COX15: variants seen among roughly 807,000 people sequenced by gnomAD.
COX15 encodes the protein heme A synthase COX15.
A neutral mutation model predicts 51.9 loss-of-function variants in COX15; 51 were observed. The observed-to-expected ratio is 0.98, with a 90% CI of 0.78 to 1.24. COX15 has a LOEUF of 1.24. Among genes scored for constraint, COX15 ranks in the 50% most tolerant of loss-of-function variants. The pLI is 0.00. For missense variants in COX15, 420 were observed against 501.1 expected, an observed-to-expected ratio of 0.84 and a Z score of 1.55; for synonymous variants, 188 against 190.5, an observed-to-expected ratio of 0.99 and a Z score of 0.11.
Position 99,727,017 on chromosome 10 carries a change from C to T in COX15, c.533G>A (p.Arg178His), listed in dbSNP as rs146028099. 9.9e-6 allele frequency: 16 copies of T among 1,614,140 alleles called. No homozygotes were observed. The African/African-American group carries it at 1.2e-4, about 12-fold the overall frequency. ...AYFWRKGWLSRGMKGRVLALC... is the reference protein window; with the variant it reads ...AYFWRKGWLSHGMKGRVLALC... ...GGCAAGAACACGTCCTTTCATGCCA[C>T]GGCTGAGCCAGCCCTTTCTCCAAAA... Residue 178 changes from arginine to histidine, a missense_variant, in exon 4 of 9, where the codon CGT becomes CAT. Coordinates refer to ENST00000016171, the MANE Select transcript of COX15 (RefSeq NM_078470.6).
At chr10:99,694,358 T>G in the COX15 span, among the ~76,000 whole-genome samples, 2 of 152,226 alleles carry the variant, frequency 1.3e-5, no homozygotes, top group African/African-American at 4.8e-5. Context: ...TCTCGTGGTA[T>G]GGGTATTTCA....
At chr10:99,727,923 T>C (rs1009496808) in intron 2 of COX15, among the ~76,000 whole-genome samples, 2 of 152,140 alleles carry the variant, frequency 1.3e-5, no homozygotes, top group African/African-American at 4.8e-5. Flanking sequence ...AAAAGAGACC[T>C]GTTACATGTA....
At chr10:99,709,614 G>T (rs576990987), downstream of COX15, 261 of 985,316 alleles carry the variant, frequency 2.6e-4, 1 homozygote, top group Middle Eastern at 7.8e-3. Context: ...TTGTGTTCTT[G>T]GCTCATTCTC....
downstream of COX15, chr10:99,710,451 C>T: frequency 1.0e-6 from 1 of 985,318 alleles, no homozygotes; most frequent in South Asian, 4.7e-5. Flanking sequence ...TTATGATCTA[C>T]ACTTTAAAAA....
intron 4 of COX15, among the ~76,000 whole-genome samples, chr10:99,726,004 T>A (rs2036938134): frequency 6.6e-6 from 1 of 152,114 alleles, no homozygotes; most frequent in South Asian, 2.1e-4. Context: ...GTCTTCTCTT[T>A]TAATTTGTTG....
chr10:99,696,218 TG>T, the COX15 span: 1 of 1,420,534 alleles, frequency 7.0e-7, no homozygotes, highest in Middle Eastern at 1.9e-4. Context: ...GATAAGTCCC[TG>T]CTTCCTCCTT....
the COX15 span, among the ~76,000 whole-genome samples, chr10:99,694,924 A>G: frequency 6.6e-6 from 1 of 152,190 alleles, no homozygotes; most frequent in Non-Finnish European, 1.5e-5. Context: ...ATACATTCAA[A>G]ACAAGAATCC....
chr10:99,723,851 C>A, intron 5 of COX15, 105 bp downstream of exon 5: 1 of 1,340,068 alleles, frequency 7.5e-7, no homozygotes, highest in Non-Finnish European at 1.1e-6. Flanking sequence ...AAAATGTTGG[C>A]AAAATATTCA....
In COX15 at chr10:99,713,331, T is replaced by C; in HGVS notation, c.*1256A>G. ...TACATTTCTAATCTGTTTAATTTCA[T>C]CTCGATGGGGTCATTCTGGGACTGT... is the stretch of plus-strand genomic sequence containing the variant. On this transcript the variant is annotated 3_prime_UTR_variant, in exon 9 of 9. Transcript: ENST00000016171. 1 of 1,608,432 alleles carries C rather than the reference T, an allele frequency of 6.2e-7. No homozygotes were observed. The highest frequency in any genetic ancestry group is 8.5e-7 in the Non-Finnish European group (1 of 1,176,876).
At chr10:99,714,780 C>A in intron 8 of COX15, 62 bp from the exon 9 acceptor site, 1 of 1,605,740 alleles carries the variant, frequency 6.2e-7, no homozygotes, top group South Asian at 1.1e-5. Context: ...TTGAAAATGG[C>A]CAGGCGTGGA....
chr10:99,703,231 G>A, the COX15 span, among the ~76,000 whole-genome samples: 2 of 58,124 alleles, frequency 3.4e-5, no homozygotes, highest in African/African-American at 1.7e-4. Flanking sequence ...TCAGATATTT[G>A]GGACAATTTT....
intron 1 of COX15, 145 bp downstream of exon 1, chr10:99,731,815 C>T: frequency 4.8e-6 from 5 of 1,039,080 alleles, no homozygotes; most frequent in Admixed American, 2.2e-5. Flanking sequence ...CAGATCTGAA[C>T]CTAGGGGCTC....
chr10:99,707,702 T>TCA (rs1167146243), downstream of COX15, among the ~76,000 whole-genome samples: 3 of 152,364 alleles, frequency 2.0e-5, no homozygotes, highest in African/African-American at 7.2e-5. Flanking sequence ...CCGTGGCTTG[T>TCA]AGTGATGCTT....
chr10:99,700,880 A>G, the COX15 span: 5 of 1,016,752 alleles, frequency 4.9e-6, no homozygotes, highest in African/African-American at 6.4e-5. Flanking sequence ...GTAGCCCACA[A>G]GTAACTTTAG....
the COX15 span, among the ~76,000 whole-genome samples, chr10:99,700,254 CT>C: frequency 1.3e-5 from 2 of 152,004 alleles, no homozygotes; most frequent in Non-Finnish European, 2.9e-5. Context: ...TTTCCCTTAC[CT>C]TTTTAACTTT....
downstream of COX15, chr10:99,709,928 T>C (rs2036331544): frequency 1.0e-6 from 1 of 985,330 alleles, no homozygotes; most frequent in Admixed American, 6.1e-5. Flanking sequence ...TTAGTAAAAC[T>C]GAATCATTAC....
At chr10:99,701,921 G>A in the COX15 span, among the ~76,000 whole-genome samples, 2 of 151,826 alleles carry the variant, frequency 1.3e-5, no homozygotes, top group Admixed American at 1.3e-4. Flanking sequence ...GGTGGCAGGT[G>A]CCTGTAATCC....
At chr10:99,716,644 C>T in intron 7 of COX15, 183 bp from the exon 8 acceptor site, 3 of 563,924 alleles carry the variant, frequency 5.3e-6, no homozygotes, top group Non-Finnish European at 9.8e-6. Context: ...CCATCCTCTT[C>T]TGCTTGCCAC....
the COX15 span, among the ~76,000 whole-genome samples, chr10:99,701,308 G>C: frequency 6.8e-6 from 1 of 146,964 alleles, no homozygotes; most frequent in Admixed American, 6.8e-5. Flanking sequence ...TTTTTTTTGA[G>C]ACAGAGTCTC....
Sources: gnomAD v4.1 joint callset for allele counts (sites outside exome capture counted in the v4.1 genomes callset) on GRCh38, gnomAD v4.1.1 for gene constraint, MANE v1.5 for transcripts, NCBI Gene and HGNC (gene_info 2026-07-23, HGNC 2026-07-21) for gene names.